Variants in GANC observed in about 807,000 individuals in gnomAD.
The protein encoded by GANC is glucosidase alpha, neutral C, also known as neutral alpha-glucosidase C.
A neutral mutation model predicts 124.2 loss-of-function variants in GANC; 117 were observed. The ratio of observed to expected loss-of-function variants is 0.94; its 90% CI spans 0.81 to 1.10. The LOEUF (loss-of-function observed/expected upper bound fraction) is 1.10. Among genes scored for constraint, GANC ranks in the 50% least tolerant of loss-of-function variants. The pLI is 0.00. For synonymous variants in GANC, 377 were observed against 376.8 expected (o/e 1.00, Z -0.01); for missense variants, 1,140 against 1,095.0 (o/e 1.04, Z -0.58).
chr15:42,331,235 G>A (rs2052242792), intron 15 of GANC, among the ~76,000 whole-genome samples: 1 of 152,170 alleles, frequency 6.6e-6, no homozygotes, highest in African/African-American at 2.4e-5. Context: ...TGAAGAAATG[G>A]CCACTTCGTT....
intron 12 of GANC, 68 bp downstream of exon 12, chr15:42,326,492 C>A: frequency 6.2e-7 from 1 of 1,603,388 alleles, no homozygotes; most frequent in South Asian, 1.1e-5. Context: ...GCTGCGTGGT[C>A]ATCATTCTGC....
At chr15:42,340,221 G>A (rs1039997284) in intron 17 of GANC, among the ~76,000 whole-genome samples, 1 of 152,192 alleles carries the variant, frequency 6.6e-6, no homozygotes, top group African/African-American at 2.4e-5. Context: ...TAACCTATCA[G>A]TATCTTCTCA....
intron 6 of GANC, among the ~76,000 whole-genome samples, chr15:42,301,770 T>A (rs1438917986): frequency 2.6e-5 from 4 of 152,170 alleles, no homozygotes; most frequent in Non-Finnish European, 5.9e-5. Flanking sequence ...CACCACAGTT[T>A]TGCAAAGCTG....
intron 7 of GANC, 99 bp downstream of exon 7, chr15:42,306,711 G>A: frequency 1.4e-6 from 1 of 710,670 alleles, no homozygotes; most frequent in East Asian, 2.8e-5. Context: ...TAAAACAGGT[G>A]ACTTTAACAG....
intron 10 of GANC, among the ~76,000 whole-genome samples, chr15:42,316,323 C>T (rs915918862): frequency 1.2e-4 from 18 of 151,966 alleles, no homozygotes; most frequent in African/African-American, 3.9e-4. Context: ...CACCAAGACG[C>T]GGAGACTGGT....
intron 15 of GANC, among the ~76,000 whole-genome samples, chr15:42,337,194 T>C (rs2052289651): frequency 6.6e-6 from 1 of 152,248 alleles, no homozygotes; most frequent in Non-Finnish European, 1.5e-5. Flanking sequence ...GTATGTTTAC[T>C]GCAGCACCTG....
chr15:42,326,151 TTTG>T (rs2052196567), intron 11 of GANC, 144 bp from the exon 12 acceptor site: 1 of 623,892 alleles, frequency 1.6e-6, no homozygotes, highest in African/African-American at 1.9e-5. Flanking sequence ...ATTTTTTGTT[TTTG>T]TTTTTGTTTT....
At chr15:42,342,946 C>T in intron 18 of GANC, 132 bp from the exon 19 acceptor site, 1 of 674,126 alleles carries the variant, frequency 1.5e-6, no homozygotes, top group Non-Finnish European at 2.6e-6. Flanking sequence ...TGGTTCAAGT[C>T]AGTCTCTGCC....
At chr15:42,346,652 A>G (rs940696522) in intron 20 of GANC, among the ~76,000 whole-genome samples, 1 of 152,198 alleles carries the variant, frequency 6.6e-6, no homozygotes, top group African/African-American at 2.4e-5. Flanking sequence ...GAACAAAAAC[A>G]CTGAAAACAA....
chr15:42,336,862 G>A (rs1001944216), intron 15 of GANC, among the ~76,000 whole-genome samples: 1 of 152,146 alleles, frequency 6.6e-6, no homozygotes, highest in Admixed American at 6.5e-5. Context: ...CATACATGTG[G>A]CCAACAAGCA....
intron 3 of GANC, among the ~76,000 whole-genome samples, chr15:42,278,959 C>T (rs926610909): frequency 2.6e-5 from 4 of 152,140 alleles, no homozygotes; most frequent in Non-Finnish European, 4.4e-5. Flanking sequence ...AGTGCCACTG[C>T]ACTTCAGCCT....
chr15:42,344,010 C>G (rs1566961900), intron 19 of GANC, among the ~76,000 whole-genome samples: 1 of 152,138 alleles, frequency 6.6e-6, no homozygotes, highest in Non-Finnish European at 1.5e-5. Flanking sequence ...CATGGACTGT[C>G]AAGGCAAGTG....
intron 3 of GANC, among the ~76,000 whole-genome samples, chr15:42,280,464 A>G (rs2051720627): frequency 6.6e-6 from 1 of 152,202 alleles, no homozygotes; most frequent in Non-Finnish European, 1.5e-5. Context: ...CATGTGGTCT[A>G]ATAGCCTGAC....
At position 42,306,555 on chromosome 15, in the gene GANC, GA is replaced by G; in HGVS notation, c.570del (p.Asp191IlefsTer90). On this transcript the variant is annotated frameshift_variant, in exon 7 of 24. Coordinates refer to ENST00000318010, the MANE Select transcript of GANC (RefSeq NM_198141.3). LOFTEE classifies it high-confidence loss of function. The part of the protein sequence containing the change: ...TSVDTSQENQ[E>X]DLGLWEEKFG... Reference sequence around the variant, plus strand: ...TTTTTTGTACCAACAGGAAAATCAAGAAGATCTGGGCCTGTGGGAAGAGAAA... The same window carrying G: ...TTTTTTGTACCAACAGGAAAATCAAGAGATCTGGGCCTGTGGGAAGAGAAA... 1 of 1,609,810 alleles carries G rather than the reference GA, an allele frequency of 6.2e-7. No individual in the cohort carries two copies. Among genetic ancestry groups the G allele is most frequent in the Non-Finnish European group, 8.5e-7 (1 of 1,178,880 alleles).
At chr15:42,283,247 A>G (rs1595762786) in intron 3 of GANC, among the ~76,000 whole-genome samples, 1 of 152,222 alleles carries the variant, frequency 6.6e-6, no homozygotes, top group South Asian at 2.1e-4. Flanking sequence ...TTTCTCACAT[A>G]GGGTCCTAAT....
At chr15:42,342,407 C>A (rs985603989) in intron 18 of GANC, among the ~76,000 whole-genome samples, 1 of 152,002 alleles carries the variant, frequency 6.6e-6, no homozygotes, top group African/African-American at 2.4e-5. Flanking sequence ...TATAGCAAGA[C>A]CCTGTCTCTA....
Position 42,310,337 on chromosome 15 carries a change from T to C in GANC, c.777T>C (p.Tyr259=), listed in dbSNP as rs778821508. The change falls in exon 9 of 24, where the codon TAT becomes TAC. Residue 259 remains tyrosine (Y), a synonymous_variant. Coordinates refer to ENST00000318010, the MANE Select transcript of GANC (RefSeq NM_198141.3). The part of the protein sequence containing the change: ...YNLDVYGYQI[Y]DKMGIYGSVP... ...TGGATGTCTATGGATACCAAATATA[T>C]GATAAAATGGGCATTTATGGTTCAG... 1 of 1,613,386 alleles carries C rather than the reference T, an allele frequency of 6.2e-7. No homozygotes were observed. The highest frequency in any genetic ancestry group is 1.1e-5 in the South Asian group (1 of 90,990).
intron 20 of GANC, among the ~76,000 whole-genome samples, chr15:42,346,671 G>A (rs2052367194): frequency 6.6e-6 from 1 of 152,160 alleles, no homozygotes. Context: ...AAAAAACATG[G>A]TAGTCACCAT....
chr15:42,273,567 T>A lies in GANC; in HGVS notation c.-915T>A. ...CTCTCAGACAGTCGTCTGTGCGCCG[T>A]GAGACTTTGGACCTACTGCGCAGGC... On this transcript the variant is annotated 5_prime_UTR_variant, in exon 1 of 24. Transcript: ENST00000318010. The A allele has an allele frequency of 2.4e-6, 3 of 1,246,276 alleles. No individual in the cohort carries two copies. The highest frequency in any genetic ancestry group is 3.3e-6 in the Non-Finnish European group (3 of 918,794). 77.2% of individuals were successfully genotyped at this position (1,246,276 alleles called of 1,614,324 possible). A position where few individuals can be genotyped will look rare whatever the true frequency, so the allele number is the denominator to read the frequency against.
Sources: allele counts gnomAD v4.1 joint callset (sites outside exome capture counted in the v4.1 genomes callset), GRCh38; gene constraint gnomAD v4.1.1; transcripts MANE v1.5; gene names NCBI Gene and HGNC (gene_info 2026-07-23, HGNC 2026-07-21).